The following STK24 variants were observed in gnomAD, a reference collection of about 807,000 sequenced individuals.
STK24 encodes the protein serine/threonine kinase 24.
A neutral mutation model predicts 55.6 loss-of-function variants in STK24; 21 were observed. That is an observed-to-expected ratio of 0.38 (90% CI 0.27 to 0.54). The LOEUF (loss-of-function observed/expected upper bound fraction) is 0.54. STK24 is among the 20% of genes least tolerant of loss of function. STK24 has a pLI of 0.79. For synonymous variants in STK24, 200 were observed against 215.2 expected, an observed-to-expected ratio of 0.93 and a Z score of 0.62; for missense variants, 383 against 538.4, an observed-to-expected ratio of 0.71 and a Z score of 2.86.
intron 1 of STK24, among the ~76,000 whole-genome samples, chr13:98,535,790 G>T (rs1189590543): frequency 6.6e-6 from 1 of 152,232 alleles, no homozygotes; most frequent in Non-Finnish European, 1.5e-5. Context: ...CTCATGAGCT[G>T]CAAGCTTCAC....
At chr13:98,534,785 C>G (rs942560287) in intron 1 of STK24, among the ~76,000 whole-genome samples, 1 of 152,342 alleles carries the variant, frequency 6.6e-6, no homozygotes, top group East Asian at 1.9e-4. Flanking sequence ...CCCAACCAAT[C>G]AGCATTCCCC....
intron 2 of STK24, among the ~76,000 whole-genome samples, chr13:98,483,613 G>A (rs1894689937): frequency 2.0e-5 from 3 of 152,096 alleles, no homozygotes; most frequent in South Asian, 2.1e-4. Context: ...TGCTTCACTT[G>A]TCTTCCCTCC....
chr13:98,464,270 T>G (rs1490227176), intron 6 of STK24, among the ~76,000 whole-genome samples: 1 of 151,348 alleles, frequency 6.6e-6, no homozygotes, highest in Admixed American at 6.6e-5. Flanking sequence ...ACAAAAAAAT[T>G]TAGCCGGGCG....
At chr13:98,453,487 T>C in intron 10 of STK24, 2 of 411,930 alleles carry the variant, frequency 4.9e-6, no homozygotes, top group Non-Finnish European at 8.6e-6. Context: ...ATCATATCCC[T>C]TTTACTTACG....
intron 2 of STK24, among the ~76,000 whole-genome samples, chr13:98,508,584 A>T (rs142008906): frequency 2.0e-5 from 3 of 152,200 alleles, no homozygotes; most frequent in African/African-American, 7.2e-5. Flanking sequence ...TGGTAAACTT[A>T]TTGCTATTGT....
chr13:98,481,437 T>G (rs1894574485), intron 3 of STK24, among the ~76,000 whole-genome samples: 1 of 152,288 alleles, frequency 6.6e-6, no homozygotes, highest in Admixed American at 6.5e-5. Flanking sequence ...CTCCACACCC[T>G]GGGAGCGCTG....
chr13:98,471,868 A>C (rs1203684444), intron 5 of STK24, among the ~76,000 whole-genome samples: 1 of 152,194 alleles, frequency 6.6e-6, no homozygotes, highest in African/African-American at 2.4e-5. Flanking sequence ...ACGTGCCTTC[A>C]TAACTACCAT....
intron 1 of STK24, among the ~76,000 whole-genome samples, chr13:98,519,893 T>C (rs2139382492): frequency 6.6e-6 from 1 of 152,308 alleles, no homozygotes; most frequent in South Asian, 2.1e-4. Flanking sequence ...TTCAAATGAA[T>C]TTTTACTAAA....
intron 2 of STK24, among the ~76,000 whole-genome samples, chr13:98,512,571 GT>G (rs11434391): frequency 0.33 from 46,439 of 141,452 alleles, 7,459 homozygotes; most frequent in Non-Finnish European, 0.37. Context: ...CACAAAGTAA[GT>G]TTTTTTTTTT....
chr13:98,523,276 G>T (rs1370547191), intron 1 of STK24, among the ~76,000 whole-genome samples: 1 of 152,154 alleles, frequency 6.6e-6, no homozygotes, highest in Admixed American at 6.5e-5. Context: ...TACTAAGAGT[G>T]GCCTTTCCTT....
Position 98,499,523 on chromosome 13 carries a change from G to A in STK24, c.274-17202C>T, listed in dbSNP as rs528659889. Among the ~76,000 whole-genome samples the A allele has an allele frequency of 6.2e-4, 94 of 152,318 alleles. 1 individual carries two copies. In the South Asian group the frequency reaches 0.016, roughly 26 times the overall value. ...GGCTCATCAGCTGAAAGAACTCACT[G>A]ATGGGGCAGGTGGAATGTCATGTTT... On this transcript the variant is annotated intron_variant, in intron 2 of 10. Coordinates refer to ENST00000539966, the MANE Select transcript of STK24 (RefSeq NM_001032296.4).
intron 1 of STK24, among the ~76,000 whole-genome samples, chr13:98,539,899 G>A (rs749474979): frequency 2.0e-5 from 3 of 152,110 alleles, no homozygotes; most frequent in African/African-American, 7.2e-5. Context: ...ACAAGTCCAC[G>A]CAGACACACA....
At chr13:98,528,129 C>T (rs1408104840) in intron 1 of STK24, among the ~76,000 whole-genome samples, 1 of 152,124 alleles carries the variant, frequency 6.6e-6, no homozygotes, top group Non-Finnish European at 1.5e-5. Flanking sequence ...GCAGGTTGGC[C>T]CAGGGCGGGA....
At chr13:98,500,868 T>TG (rs1016945103) in intron 2 of STK24, among the ~76,000 whole-genome samples, 1 of 152,130 alleles carries the variant, frequency 6.6e-6, no homozygotes, top group African/African-American at 2.4e-5. Context: ...AACACTGGGA[T>TG]GCTCACACTT....
intron 1 of STK24, among the ~76,000 whole-genome samples, chr13:98,559,030 A>AAAAAC (rs1897348041): frequency 1.6e-5 from 2 of 123,780 alleles, no homozygotes. Flanking sequence ...AAAAAAAAAA[A>AAAAAC]AATACAAAAT....
At chr13:98,554,385 A>C (rs1897235355) in intron 1 of STK24, among the ~76,000 whole-genome samples, 1 of 152,178 alleles carries the variant, frequency 6.6e-6, no homozygotes, top group Non-Finnish European at 1.5e-5. Context: ...AACAGCAACA[A>C]CACAGGCGCT....
intron 1 of STK24, among the ~76,000 whole-genome samples, chr13:98,519,997 A>G (rs1332295371): frequency 1.3e-5 from 2 of 152,202 alleles, no homozygotes; most frequent in East Asian, 1.9e-4. Flanking sequence ...AACAATAACA[A>G]TCTAACCAGA....
chr13:98,448,698 C>T lies in STK24; in HGVS notation c.*4475G>A, dbSNP rs1230249198. The stretch of plus-strand genomic sequence containing the variant: ...AAAAAGTTCTTTCTTTTATTATTTT[C>T]ACCTATTGGCTGCTGCATTTTACGA... On this transcript the variant is annotated 3_prime_UTR_variant, in exon 11 of 11. Transcript: ENST00000539966. The T allele has an allele frequency of 5.8e-6, 1 of 171,638 alleles. No individual in the cohort carries two copies. The highest frequency in any genetic ancestry group is 2.4e-5 in the African/African-American group (1 of 41,876). The allele number at this position is 171,638 out of a possible 1,614,324, so 10.6% of individuals were successfully genotyped here.
intron 1 of STK24, among the ~76,000 whole-genome samples, chr13:98,520,765 C>T (rs1432710374): frequency 6.6e-6 from 1 of 152,250 alleles, no homozygotes; most frequent in African/African-American, 2.4e-5. Context: ...AGCCAGTCAG[C>T]CCATTTCTGG....
Sources: allele counts gnomAD v4.1 joint callset (sites outside exome capture counted in the v4.1 genomes callset), GRCh38; gene constraint gnomAD v4.1.1; transcripts MANE v1.5; gene names NCBI Gene and HGNC (gene_info 2026-07-23, HGNC 2026-07-21).